The following HIVEP3 variants were observed in gnomAD, a reference collection of about 807,000 sequenced individuals.
HIVEP3 encodes HIVEP zinc finger 3, also known as transcription factor HIVEP3.
HIVEP3 carries 49 observed loss-of-function variants against 152.8 expected under a neutral mutation model. The observed-to-expected ratio is 0.32, with a 90% CI of 0.26 to 0.41. HIVEP3 has a LOEUF of 0.41. Among genes scored for constraint, HIVEP3 ranks in the 10% least tolerant of loss-of-function variants. The probability of loss-of-function intolerance (pLI) is 1.00; values close to 1 mark genes in which losing one functional copy is unlikely to be tolerated. For synonymous variants in HIVEP3, 1,269 were observed against 1,289.0 expected, an observed-to-expected ratio of 0.98 and a Z score of 0.33; for missense variants, 2,790 against 3,103.3, an observed-to-expected ratio of 0.90 and a Z score of 2.40.
intron 1 of HIVEP3, among the ~76,000 whole-genome samples, chr1:42,031,923 T>C (rs1183446770): frequency 1.3e-5 from 2 of 152,238 alleles, no homozygotes; most frequent in Non-Finnish European, 2.9e-5. Flanking sequence ...TTCCAAATTA[T>C]CCTGTTTTCC....
At chr1:41,587,973 T>C (rs931436383) in intron 3 of HIVEP3, among the ~76,000 whole-genome samples, 8 of 152,184 alleles carry the variant, frequency 5.3e-5, no homozygotes, top group Non-Finnish European at 1.0e-4. Flanking sequence ...ACAATAGAGT[T>C]GCCCTTTCAA....
In HIVEP3 at chr1:41,642,485, T is replaced by G. The variant is rs75012667; in HGVS notation, c.-720-13538A>C. On this transcript the variant is annotated intron_variant, in intron 2 of 8. Transcript: ENST00000372583. ...GCCTCCTCCTCCACAAAGCCCTCCATGACTCTACTCTCTCTCTGGCCAGGA... is the reference window on the plus strand; with the variant it reads ...GCCTCCTCCTCCACAAAGCCCTCCAGGACTCTACTCTCTCTCTGGCCAGGA... Among the ~76,000 whole-genome samples, 507 of 152,324 alleles carry G rather than the reference T, an allele frequency of 3.3e-3. 5 individuals are homozygous for G. In the South Asian group the frequency reaches 0.034, roughly 10 times the overall value.
intron 3 of HIVEP3, among the ~76,000 whole-genome samples, chr1:41,606,980 C>CTT (rs796119787): frequency 1.3e-5 from 2 of 148,304 alleles, no homozygotes; most frequent in African/African-American, 5.0e-5. Flanking sequence ...GTGTGTGTTT[C>CTT]TTTTTTTTTT....
chr1:41,981,328 A>G (rs954633431), intron 1 of HIVEP3, among the ~76,000 whole-genome samples: 2 of 152,222 alleles, frequency 1.3e-5, no homozygotes, highest in Admixed American at 1.3e-4. Flanking sequence ...AGATTCCTGA[A>G]GGACTCTGCC....
chr1:41,519,447 G>C (rs926576898), intron 6 of HIVEP3, among the ~76,000 whole-genome samples: 2 of 152,224 alleles, frequency 1.3e-5, no homozygotes, highest in Non-Finnish European at 1.5e-5. Context: ...GAGCATCCCA[G>C]CCTGCCCCAG....
At chr1:41,919,216 T>G (rs557408086), upstream of HIVEP3, among the ~76,000 whole-genome samples, 1 of 152,302 alleles carries the variant, frequency 6.6e-6, no homozygotes, top group African/African-American at 2.4e-5. Flanking sequence ...CAGTACTAAT[T>G]GGCACGTTAT....
intron 2 of HIVEP3, among the ~76,000 whole-genome samples, chr1:41,652,120 G>A (rs1239291588): frequency 6.6e-6 from 1 of 152,192 alleles, no homozygotes; most frequent in Non-Finnish European, 1.5e-5. Flanking sequence ...GGGAGGCTCA[G>A]AGATGTCAAG....
chr1:41,648,899 C>T (rs1402387739), intron 2 of HIVEP3, among the ~76,000 whole-genome samples: 2 of 152,198 alleles, frequency 1.3e-5, no homozygotes, highest in African/African-American at 2.4e-5. Flanking sequence ...ATTTAGAGTC[C>T]AATGTGGTAT....
intron 1 of HIVEP3, among the ~76,000 whole-genome samples, chr1:41,933,123 A>G (rs1570822287): frequency 6.6e-6 from 1 of 152,166 alleles, no homozygotes; most frequent in East Asian, 1.9e-4. Context: ...TTTCATGTGC[A>G]CTTTAGAAAG....
At chr1:41,933,286 A>G (rs1282777305) in intron 1 of HIVEP3, among the ~76,000 whole-genome samples, 1 of 152,056 alleles carries the variant, frequency 6.6e-6, no homozygotes, top group African/African-American at 2.4e-5. Flanking sequence ...GTAATTGTGA[A>G]ACTATCTATT....
intron 2 of HIVEP3, among the ~76,000 whole-genome samples, chr1:41,694,823 G>A (rs1646248385): frequency 6.6e-6 from 1 of 152,174 alleles, no homozygotes; most frequent in Non-Finnish European, 1.5e-5. Flanking sequence ...GGGATCACTA[G>A]TCTCATTTTG....
At chr1:41,848,317 G>A (rs1570660273) in intron 1 of HIVEP3, 1 of 152,276 alleles carries the variant, frequency 6.6e-6, no homozygotes, top group Non-Finnish European at 1.5e-5. Context: ...CTGCTTCTTT[G>A]GCTTCTCTGG....
At chr1:41,527,343 TC>T in intron 5 of HIVEP3, among the ~76,000 whole-genome samples, 1 of 38,726 alleles carries the variant, frequency 2.6e-5, no homozygotes, top group Non-Finnish European at 5.7e-5. Context: ...CATCCCACCT[TC>T]ACACTCACCT....
At chr1:41,785,800 C>A (rs1261378553) in intron 1 of HIVEP3, among the ~76,000 whole-genome samples, 2 of 152,178 alleles carry the variant, frequency 1.3e-5, no homozygotes, top group South Asian at 2.1e-4. Flanking sequence ...AGTTCAAGAC[C>A]AGCCTGGCCA....
At chr1:41,823,099 C>T (rs1642657471) in intron 1 of HIVEP3, among the ~76,000 whole-genome samples, 1 of 152,114 alleles carries the variant, frequency 6.6e-6, no homozygotes, top group South Asian at 2.1e-4. Context: ...AGAAGGAGAG[C>T]AAGAAGGAGA....
At chr1:41,679,552 G>A (rs1373940683) in intron 2 of HIVEP3, among the ~76,000 whole-genome samples, 1 of 152,216 alleles carries the variant, frequency 6.6e-6, no homozygotes, top group Admixed American at 6.5e-5. Flanking sequence ...GGGACTGGTG[G>A]CAGGGATGGA....
chr1:41,863,906 C>T (rs755916793), intron 1 of HIVEP3, among the ~76,000 whole-genome samples: 3 of 152,122 alleles, frequency 2.0e-5, no homozygotes, highest in Admixed American at 1.3e-4. Flanking sequence ...GCAAATACAT[C>T]CAGATTAAGA....
chr1:41,981,263 C>T (rs1300408799), intron 1 of HIVEP3, among the ~76,000 whole-genome samples: 2 of 152,144 alleles, frequency 1.3e-5, no homozygotes, highest in Admixed American at 1.3e-4. Flanking sequence ...GGTAAAACAT[C>T]GAAATAACAA....
At chr1:41,824,907 CTT>C (rs1339050196) in intron 1 of HIVEP3, among the ~76,000 whole-genome samples, 2 of 151,278 alleles carry the variant, frequency 1.3e-5, no homozygotes, top group Non-Finnish European at 2.9e-5. Flanking sequence ...GAGTTTTGCT[CTT>C]GTTGCACAGG....
Sources: gnomAD v4.1 joint callset for allele counts (sites outside exome capture counted in the v4.1 genomes callset) on GRCh38, gnomAD v4.1.1 for gene constraint, MANE v1.5 for transcripts, NCBI Gene and HGNC (gene_info 2026-07-23, HGNC 2026-07-21) for gene names.